Variants in NBPF12 observed in about 807,000 individuals in gnomAD.
NBPF12 encodes the protein NBPF member 12, also known as NBPF family member NBPF12.
A neutral mutation model predicts 146.4 loss-of-function variants in NBPF12; 115 were observed. The observed-to-expected ratio is 0.79, with a 90% CI of 0.68 to 0.92. NBPF12 has a LOEUF of 0.92. Ranked by LOEUF, NBPF12 falls within the 40% of genes least tolerant of loss-of-function variation. NBPF12 has a pLI of 0.00. For synonymous variants in NBPF12, 385 were observed against 508.9 expected (o/e 0.76, Z 3.28); for missense variants, 1,205 against 1,326.8 (o/e 0.91, Z 1.43).
At chr1:146,951,249 A>G (rs1345399881) in intron 1 of NBPF12, 99 bp from the exon 5 acceptor site, 1 of 679,666 alleles carries the variant, frequency 1.5e-6, no homozygotes, top group East Asian at 2.7e-5. Context: ...ACTCAAGTGA[A>G]CAGGGCATGG....
At chr1:146,969,651 A>G (rs2101870445) in intron 11 of NBPF12, 55 bp downstream of exon 14, 1 of 1,544,710 alleles carries the variant, frequency 6.5e-7, no homozygotes, top group Admixed American at 1.7e-5. Context: ...GAGAGGCTCC[A>G]GACCTCCATA....
rs1274177587 is a variant in NBPF12, at chr1:146,963,322, T to G, written c.493+13T>G. The G allele has an allele frequency of 1.2e-6, 2 of 1,610,480 alleles. No individual in the cohort carries two copies. Among genetic ancestry groups the G allele is most frequent in the Admixed American group, 1.7e-5 (1 of 59,934 alleles). On this transcript the variant is annotated intron_variant, in intron 6 of 33. Transcript: ENST00000617844. ...AAGCTCAGCCCAGGTAAGGTGGCCA[T>G]AGGCCCTGATGACCCAAAACCCCAG...
intron 2 of NBPF12, among the ~76,000 whole-genome samples, chr1:146,953,900 T>TTCACA (rs1439169240): frequency 6.6e-5 from 10 of 151,844 alleles, no homozygotes; most frequent in Middle Eastern, 3.2e-3. Context: ...TCACAGATAA[T>TTCACA]GACTGTGTTT....
intron 1 of NBPF12, among the ~76,000 whole-genome samples, chr1:146,942,800 A>G (rs1553882958): frequency 6.8e-6 from 1 of 147,648 alleles, no homozygotes; most frequent in Non-Finnish European, 1.5e-5. Flanking sequence ...GATTCCAAAG[A>G]AGCATTAACT....
exon 28 of NBPF12, chr1:146,989,728 T>C (rs1658030427): frequency 6.2e-7 from 1 of 1,607,556 alleles, no homozygotes; most frequent in Admixed American, 1.7e-5. Context: ...GCGTGTTGGC[T>C]TGGCTGTTGA....
intron 8 of NBPF12, among the ~76,000 whole-genome samples, chr1:146,966,005 G>C (rs1281211112): frequency 1.3e-5 from 2 of 151,672 alleles, no homozygotes; most frequent in South Asian, 2.1e-4. Flanking sequence ...TGCTTGGCAG[G>C]CTGAGTGATG....
At position 146,984,287 on chromosome 1, in the gene NBPF12, A is replaced by C. The variant is rs1570888788; in HGVS notation, c.2666+102A>C. 5.7e-5 allele frequency: 46 copies of C among 811,000 alleles called. No individual in the cohort carries two copies. The East Asian group carries it at 1.0e-3, about 18-fold the overall frequency. 50.2% of individuals were successfully genotyped at this position (811,000 alleles called of 1,614,324 possible). On this transcript the variant is annotated intron_variant, in intron 21 of 33. Transcript: ENST00000617844. ...CTGAAAATAATGATTTTGTCTTGTC[A>C]GACAAGTCTGAATTATGCCTACTGC...
intron 16 of NBPF12, among the ~76,000 whole-genome samples, chr1:146,976,259 G>T (rs1553887326): frequency 9.1e-6 from 1 of 110,334 alleles, no homozygotes; most frequent in Admixed American, 9.3e-5. Context: ...AGTAACTGTC[G>T]GTGAGTGAAT....
chr1:146,980,417 C>CT (rs1423972121), intron 19 of NBPF12, among the ~76,000 whole-genome samples: 1 of 152,012 alleles, frequency 6.6e-6, no homozygotes, highest in Non-Finnish European at 1.5e-5. Context: ...CTTCAATGGT[C>CT]TTTAGAGTTT....
chr1:146,987,550 T>A (rs1657851968), intron 25 of NBPF12, among the ~76,000 whole-genome samples: 1 of 152,040 alleles, frequency 6.6e-6, no homozygotes, highest in Non-Finnish European at 1.5e-5. Flanking sequence ...GAGCACATTT[T>A]ATGGAAAATT....
chr1:146,971,098 G>T, intron 12 of NBPF12, 85 bp from the exon 16 acceptor site: 1 of 1,599,910 alleles, frequency 6.3e-7, no homozygotes, highest in Non-Finnish European at 8.5e-7. Context: ...TCTTAATGCC[G>T]CTTGTCAAAA....
upstream of NBPF12, among the ~76,000 whole-genome samples, chr1:146,945,110 C>T (rs1654989649): frequency 6.9e-6 from 1 of 145,724 alleles, no homozygotes. Context: ...CTCCCTCCCT[C>T]CATTCTTTCC....
intron 8 of NBPF12, among the ~76,000 whole-genome samples, chr1:146,966,222 T>C (rs1227135733): frequency 6.6e-6 from 1 of 152,038 alleles, no homozygotes; most frequent in Non-Finnish European, 1.5e-5. Context: ...CAAGCCTTGC[T>C]TTATAGAAAC....
intron 9 of NBPF12, 54 bp downstream of exon 12, chr1:146,966,727 C>T (rs1656237704): frequency 1.0e-6 from 1 of 982,054 alleles, no homozygotes; most frequent in Non-Finnish European, 1.7e-6. Context: ...CCTGTCTTCT[C>T]TCTGAGAAAC....
chr1:146,989,637 G>T lies in NBPF12; in HGVS notation c.3462G>T (p.Trp1154Cys), dbSNP rs200420044. Reference sequence around the variant, plus strand: ...TCTTGCAGGACTCACTGGATAGATGGTATTCGACTCCTTCAGTTTATCTTG... The same window carrying T: ...TCTTGCAGGACTCACTGGATAGATGTTATTCGACTCCTTCAGTTTATCTTG... The change falls in exon 28 of 34, where the codon TGG becomes TGT. Residue 1154 changes from tryptophan (W) to cysteine (C), a missense_variant. Trp to Cys is a radical substitution (Grantham distance 215). This residue lies in a region of NBPF12 where 16 missense variants were observed against 71.9 expected (regional missense o/e 0.22). Transcript: ENST00000617844. The T allele has an allele frequency of 1.2e-3, 1,968 of 1,605,656 alleles. 62 individuals carry two copies. In the African/African-American group the frequency reaches 0.018, roughly 15 times the overall value.
rs1429263387 is a variant in NBPF12, at chr1:146,943,273, C to G, written c.-821-18C>G. 1 of 204,950 alleles carries G rather than the reference C, an allele frequency of 4.9e-6. No homozygotes were observed. Among genetic ancestry groups the G allele is most frequent in the Non-Finnish European group, 9.7e-6 (1 of 102,990 alleles). 12.7% of individuals were successfully genotyped at this position (204,950 alleles called of 1,614,324 possible). ...CAAATCTCAATGTTAACCTTGATTT[C>G]TCTCTTTTATCTCATAGGCATTCTG... On this transcript the variant is annotated intron_variant, in intron 1 of 35. Coordinates refer to the NBPF12 transcript ENST00000617931.
At chr1:146,966,356 T>G in intron 8 of NBPF12, 108 bp from the exon 12 acceptor site, 2 of 1,001,464 alleles carry the variant, frequency 2.0e-6, no homozygotes, top group Non-Finnish European at 3.2e-6. Flanking sequence ...GGAAACATCA[T>G]CTTCGAATAA....
chr1:146,957,962 C>T lies in NBPF12; in HGVS notation c.-183-1897C>T, dbSNP rs1464657895. Among the ~76,000 whole-genome samples, 390 of 103,344 alleles carry T rather than the reference C, an allele frequency of 3.8e-3. 75 individuals carry two copies. Among genetic ancestry groups the T allele is most frequent in the South Asian group, 0.012 (24 of 2,058 alleles). 67.8% of individuals were successfully genotyped at this position (103,344 alleles called of 152,430 possible). On this transcript the variant is annotated intron_variant, in intron 2 of 33. Transcript: ENST00000617844. The stretch of plus-strand genomic sequence containing the variant: ...TGTGTGTATATATATTTTATATATA[C>T]GTGTATACATGTATATATGTGTGTG...
exon 8 of NBPF12, chr1:146,965,036 A>G: frequency 6.2e-7 from 1 of 1,608,540 alleles, no homozygotes; most frequent in Non-Finnish European, 8.5e-7. Flanking sequence ...GACAAAGTCA[A>G]CTCAACTGTG....
Sources: allele counts gnomAD v4.1 joint callset (sites outside exome capture counted in the v4.1 genomes callset), GRCh38; gene constraint gnomAD v4.1.1; regional missense constraint gnomAD v4.1.1; transcripts MANE v1.5; gene names NCBI Gene and HGNC (gene_info 2026-07-23, HGNC 2026-07-21).